Variants in RGPD8 observed in about 807,000 individuals in gnomAD.
RGPD8 encodes the protein RANBP2 like and GRIP domain containing 8.
A neutral mutation model predicts 89.1 loss-of-function variants in RGPD8; 15 were observed. That is an observed-to-expected ratio of 0.17 (90% CI 0.11 to 0.26). The LOEUF is 0.26. Ranked by LOEUF, RGPD8 falls within the 10% of genes least tolerant of loss-of-function variation. The pLI, the probability that RGPD8 is intolerant of heterozygous loss-of-function variation, is 1.00. For missense variants in RGPD8, 178 were observed against 1,179.6 expected (o/e 0.15, Z 12.44); for synonymous variants, 62 against 420.9 (o/e 0.15, Z 10.44).
intron 7 of RGPD8, among the ~76,000 whole-genome samples, chr2:112,408,722 G>A (rs1403852723): frequency 1.3e-5 from 2 of 151,104 alleles, no homozygotes; most frequent in Non-Finnish European, 1.5e-5. Context: ...AGGCTGGAGT[G>A]CTGCAGTGGC....
intron 7 of RGPD8, among the ~76,000 whole-genome samples, chr2:112,408,505 A>G (rs1429006971): frequency 1.4e-5 from 2 of 140,534 alleles, no homozygotes; most frequent in Non-Finnish European, 3.1e-5. Context: ...TATATGTTGA[A>G]AAGAGCACAC....
chr2:112,409,726 A>T (rs1189749592), intron 7 of RGPD8, among the ~76,000 whole-genome samples: 3 of 144,702 alleles, frequency 2.1e-5, no homozygotes, highest in Non-Finnish European at 4.5e-5. Flanking sequence ...GGATCACTTG[A>T]GCCCAGGAGT....
intron 1 of RGPD8, among the ~76,000 whole-genome samples, chr2:112,429,049 G>A (rs1489394065): frequency 6.6e-6 from 1 of 151,710 alleles, no homozygotes; most frequent in Non-Finnish European, 1.5e-5. Context: ...AAAAACTGCA[G>A]TAACAGTACT....
chr2:112,431,251 A>G (rs1293961165), intron 1 of RGPD8, among the ~76,000 whole-genome samples: 1 of 152,122 alleles, frequency 6.6e-6, no homozygotes, highest in Admixed American at 6.6e-5. Context: ...GTGAGACCCC[A>G]CCTCAAAAAA....
intron 1 of RGPD8, among the ~76,000 whole-genome samples, chr2:112,432,037 T>C (rs936287583): frequency 5.3e-5 from 8 of 152,188 alleles, no homozygotes; most frequent in Admixed American, 1.3e-4. Flanking sequence ...GATCATCCTA[T>C]CAAATTCTAT....
chr2:112,390,089 C>T lies in RGPD8; in HGVS notation c.2856G>A (p.Arg952=). The T allele has an allele frequency of 1.3e-6, 2 of 1,565,128 alleles. No individual in the cohort carries two copies. The highest frequency in any genetic ancestry group is 1.1e-5 in the South Asian group (1 of 87,552). The change falls in exon 20 of 23, where the codon AGG becomes AGA. Residue 952 remains arginine, a synonymous_variant. Coordinates refer to ENST00000302558, the MANE Select transcript of RGPD8 (RefSeq NM_001164463.1). ...NDTGLQAQDI[R]GRKKGRGVIF... is the part of the protein sequence containing the mutation. The stretch of plus-strand genomic sequence containing the variant: ...TCACACCACGGCCCTTCTTCCGGCC[C>T]CTAATATCCTGAGCCTGTAAGCCAG...
chr2:112,428,930 AAAACTT>A (rs1190192818), intron 1 of RGPD8, among the ~76,000 whole-genome samples: 1 of 152,112 alleles, frequency 6.6e-6, no homozygotes, highest in African/African-American at 2.4e-5. Flanking sequence ...CATGTACCCT[AAAACTT>A]AAAGTATAAT....
intron 22 of RGPD8, among the ~76,000 whole-genome samples, chr2:112,370,831 TA>T (rs1677944984): frequency 6.6e-6 from 1 of 151,220 alleles, no homozygotes; most frequent in African/African-American, 2.4e-5. Flanking sequence ...ATGGCTTTAT[TA>T]AAGCAATCCA....
intron 1 of RGPD8, among the ~76,000 whole-genome samples, chr2:112,425,674 A>T (rs2699688): frequency 6.6e-6 from 1 of 151,060 alleles, no homozygotes; most frequent in Non-Finnish European, 1.5e-5. Context: ...GCAAAGAATC[A>T]CTTGAACCCG....
intron 1 of RGPD8, among the ~76,000 whole-genome samples, chr2:112,424,509 C>T (rs1679676769): frequency 6.6e-6 from 1 of 152,022 alleles, no homozygotes; most frequent in Admixed American, 6.6e-5. Context: ...CACCTGAGGT[C>T]AGGAGTTTGA....
At chr2:112,374,930 T>C (rs1678080003) in intron 22 of RGPD8, among the ~76,000 whole-genome samples, 1 of 137,172 alleles carries the variant, frequency 7.3e-6, no homozygotes, top group African/African-American at 2.7e-5. Context: ...TGGCACCATC[T>C]CGGCTCACTG....
At chr2:112,426,075 TG>T (rs1488147550) in intron 1 of RGPD8, among the ~76,000 whole-genome samples, 4 of 151,884 alleles carry the variant, frequency 2.6e-5, no homozygotes, top group Non-Finnish European at 5.9e-5. Context: ...ACAAAAGATT[TG>T]TTCTTACCAT....
intron 1 of RGPD8, 135 bp from the exon 2 acceptor site, chr2:112,424,442 G>A (rs1679672665): frequency 9.4e-7 from 1 of 1,061,626 alleles, no homozygotes; most frequent in African/African-American, 1.6e-5. Context: ...AAATAGAGCT[G>A]GGTGCAGCGG....
intron 20 of RGPD8, among the ~76,000 whole-genome samples, chr2:112,382,193 G>A (rs1678329175): frequency 6.6e-6 from 1 of 152,310 alleles, no homozygotes; most frequent in Admixed American, 6.5e-5. Flanking sequence ...GGCTCTCGTT[G>A]CTCCTCAGTC....
At chr2:112,416,088 C>CAAAAAAAAAAAAA (rs1168507298) in intron 6 of RGPD8, among the ~76,000 whole-genome samples, 13 of 88,914 alleles carry the variant, frequency 1.5e-4, no homozygotes, top group East Asian at 7.2e-4. Flanking sequence ...GACTCCATCT[C>CAAAAAAAAAAAAA]AAAAAAAAAA....
At chr2:112,432,674 C>A (rs1680095383) in intron 1 of RGPD8, 31 of 985,200 alleles carry the variant, frequency 3.1e-5, no homozygotes, top group Admixed American at 6.2e-5. Context: ...ATACAGCACC[C>A]GGGTGCCCAA....
chr2:112,374,858 C>CTTTTTTTTT (rs780008775), intron 22 of RGPD8, among the ~76,000 whole-genome samples: 1 of 103,454 alleles, frequency 9.7e-6, no homozygotes, highest in African/African-American at 4.0e-5. Context: ...AGTTTACATT[C>CTTTTTTTTT]TTTTTTTTTT....
At chr2:112,379,389 G>A (rs1391094574) in intron 21 of RGPD8, among the ~76,000 whole-genome samples, 2 of 150,950 alleles carry the variant, frequency 1.3e-5, no homozygotes, top group African/African-American at 2.4e-5. Flanking sequence ...GAGGTCAGGA[G>A]ATTCAGACTG....
At chr2:112,404,655 G>A in intron 8 of RGPD8, among the ~76,000 whole-genome samples, 1 of 29,754 alleles carries the variant, frequency 3.4e-5, no homozygotes, top group East Asian at 6.4e-4. Context: ...AGGAGATCAA[G>A]ACCATCCTGG....
Sources: allele counts gnomAD v4.1 joint callset (sites outside exome capture counted in the v4.1 genomes callset), GRCh38; gene constraint gnomAD v4.1.1; transcripts MANE v1.5; gene names NCBI Gene and HGNC (gene_info 2026-07-23, HGNC 2026-07-21).